Variants in R3HDML observed in about 807,000 individuals in gnomAD.
R3HDML encodes the protein peptidase inhibitor R3HDML.
Under a neutral mutation model 24.2 loss-of-function variants are expected in R3HDML, and 21 were observed. The ratio of observed to expected loss-of-function variants is 0.87; its 90% confidence interval spans 0.62 to 1.25. The LOEUF is 1.25. R3HDML is among the 50% of genes most tolerant of loss of function. The pLI is 0.00. For synonymous variants in R3HDML, 133 were observed against 131.5 expected (o/e 1.01, Z -0.08); for missense variants, 301 against 340.3 (o/e 0.88, Z 0.91).
chr20:44,338,670 G>A (rs1452902666), intron 1 of R3HDML, among the ~76,000 whole-genome samples: 1 of 152,170 alleles, frequency 6.6e-6, no homozygotes, highest in Non-Finnish European at 1.5e-5. Context: ...TATCTCACCA[G>A]GGACTCCAGG....
At chr20:44,347,922 A>G (rs1358986170) in intron 4 of R3HDML, 1 of 152,032 alleles carries the variant, frequency 6.6e-6, no homozygotes, top group African/African-American at 2.4e-5. Context: ...AGAAAAATAC[A>G]AGAAACCAAA....
intron 1 of R3HDML, among the ~76,000 whole-genome samples, chr20:44,339,376 A>G (rs921562427): frequency 6.6e-6 from 1 of 152,174 alleles, no homozygotes; most frequent in Non-Finnish European, 1.5e-5. Context: ...TATTTCAGAG[A>G]ATCCCAGGAA....
chr20:44,347,939 TAC>T (rs2062793038), intron 4 of R3HDML: 1 of 150,636 alleles, frequency 6.6e-6, no homozygotes, highest in African/African-American at 2.4e-5. Context: ...CAAATTTCAT[TAC>T]AAATAGCGTC....
At chr20:44,346,111 C>T (rs929337383) in intron 4 of R3HDML, among the ~76,000 whole-genome samples, 3 of 151,694 alleles carry the variant, frequency 2.0e-5, no homozygotes, top group Non-Finnish European at 2.9e-5. Context: ...TGAGCCACTG[C>T]GCCTGGCCTA....
intron 2 of R3HDML, among the ~76,000 whole-genome samples, chr20:44,342,452 T>TC: frequency 6.6e-6 from 1 of 151,740 alleles, no homozygotes; most frequent in South Asian, 2.1e-4. Context: ...ACTTTCCCTC[T>TC]CCCCCGCTGC....
At position 44,337,148 on chromosome 20, in the gene R3HDML, C is replaced by A; in HGVS notation, c.-10C>A. On this transcript the variant is annotated 5_prime_UTR_variant, in exon 1 of 5. Coordinates refer to ENST00000217043, the MANE Select transcript of R3HDML (RefSeq NM_178491.4). The surrounding 1 kb of genome is among the most constrained non-coding windows in gnomAD (Gnocchi z 4.7). ...TGCACAAGGCAGACCTGTGACTCCT[C>A]CATCCAGCTATGCCCCTGCTGCCCA... 1 of 1,609,002 alleles carries A rather than the reference C, an allele frequency of 6.2e-7. No individual in the cohort carries two copies. Among genetic ancestry groups the A allele is most frequent in the Non-Finnish European group, 8.5e-7 (1 of 1,177,084 alleles).
Position 44,339,579 on chromosome 20 carries a change from A to ATGTGTGTGTG in R3HDML, c.262-1599_262-1590dup, listed in dbSNP as rs140076477. Among the ~76,000 whole-genome samples the ATGTGTGTGTG allele has an allele frequency of 2.3e-3, 335 of 148,022 alleles. 2 individuals are homozygous for ATGTGTGTGTG. The highest frequency in any genetic ancestry group is 0.017 in the Middle Eastern group (5 of 292). On this transcript the variant is annotated intron_variant, in intron 1 of 4. Transcript: ENST00000217043. ...AATATGCTGCCATTTGCCTATATAT[A>ATGTGTGTGTG]TGTGTGTGTGTGTGTGTGTGTGTGT...
chr20:44,347,241 C>T (rs530028193), intron 4 of R3HDML, among the ~76,000 whole-genome samples: 10 of 147,804 alleles, frequency 6.8e-5, no homozygotes, highest in East Asian at 2.0e-4. Context: ...TGGGGGGGGA[C>T]GAGGTCTTGC....
intron 4 of R3HDML, 185 bp from the exon 5 acceptor site, chr20:44,350,475 T>C (rs1483122481): frequency 2.1e-6 from 1 of 480,802 alleles, no homozygotes; most frequent in African/African-American, 2.3e-5. Context: ...GAGCTATGGG[T>C]GACAGAGCAA....
intron 4 of R3HDML, among the ~76,000 whole-genome samples, chr20:44,346,643 C>T (rs1240884420): frequency 1.3e-5 from 2 of 152,198 alleles, no homozygotes; most frequent in African/African-American, 4.8e-5. Flanking sequence ...CAGTGCCAGC[C>T]CTCTAAGCTT....
intron 1 of R3HDML, among the ~76,000 whole-genome samples, chr20:44,339,579 A>ATATGTG (rs1555804233): frequency 4.7e-5 from 7 of 147,914 alleles, no homozygotes; most frequent in South Asian, 2.2e-4. Flanking sequence ...GCCTATATAT[A>ATATGTG]TGTGTGTGTG....
chr20:44,341,441 T>A (rs2062772173), intron 2 of R3HDML, 127 bp downstream of exon 2: 1 of 704,076 alleles, frequency 1.4e-6, no homozygotes, highest in South Asian at 2.2e-5. Context: ...GCTCTCCACC[T>A]GCAGGGAGCC....
Position 44,350,688 on chromosome 20 carries a change from A to T in R3HDML, c.658A>T (p.Lys220Ter), listed in dbSNP as rs748206218. Residue 220 changes from lysine to a stop codon, truncating the protein, a stop_gained, in exon 5 of 5, where the codon AAG (lysine) becomes TAG (stop). Coordinates refer to ENST00000217043, the MANE Select transcript of R3HDML (RefSeq NM_178491.4). LOFTEE classifies it low-confidence loss of function (END_TRUNC). ...KGNWIGESPYKMGKPCSSCPP... is the reference protein window; with the variant it reads ...KGNWIGESPY ...CAACTGGATTGGCGAGTCCCCGTAC[A>T]AGATGGGAAAGCCGTGCTCCTCCTG... 1.9e-6 allele frequency: 3 copies of T among 1,613,870 alleles called. No individual in the cohort carries two copies. Among genetic ancestry groups the T allele is most frequent in the Admixed American group, 1.7e-5 (1 of 59,962 alleles).
At position 44,341,157 on chromosome 20, in the gene R3HDML, C is replaced by T. The variant is rs1479748590; in HGVS notation, c.262-39C>T. ...CTGGACACAGTTGTGACGATGGTGGCAATTCCCCTGGGGAATTTCATTGCC... is the reference window on the plus strand; with the variant it reads ...CTGGACACAGTTGTGACGATGGTGGTAATTCCCCTGGGGAATTTCATTGCC... On this transcript the variant is annotated intron_variant, in intron 1 of 4. Transcript: ENST00000217043. 8.6e-6 allele frequency: 13 copies of T among 1,508,352 alleles called. No individual in the cohort carries two copies. In the South Asian group the frequency reaches 9.2e-5, roughly 11 times the overall value. The allele number at this position is 1,508,352 out of a possible 1,614,324, so 93.4% of individuals were successfully genotyped here.
chr20:44,349,192 A>G (rs2062801227), intron 4 of R3HDML, among the ~76,000 whole-genome samples: 1 of 151,962 alleles, frequency 6.6e-6, no homozygotes, highest in Admixed American at 6.6e-5. Context: ...AAATAAAAAT[A>G]GCCTCTGTGG....
At chr20:44,348,520 T>TTTCCTTTCCTTTCCTTTCC (rs1555804779) in intron 4 of R3HDML, among the ~76,000 whole-genome samples, 8 of 87,342 alleles carry the variant, frequency 9.2e-5, no homozygotes, top group Admixed American at 2.2e-4. Flanking sequence ...CTTTCCTTTC[T>TTTCCTTTCCTTTCCTTTCC]TTTCTTCTGT....
At chr20:44,346,052 T>C (rs2062786081) in intron 4 of R3HDML, among the ~76,000 whole-genome samples, 1 of 152,134 alleles carries the variant, frequency 6.6e-6, no homozygotes, top group Non-Finnish European at 1.5e-5. Flanking sequence ...ACCCCTAACC[T>C]CAGGTGATCT....
At chr20:44,339,825 C>T (rs905887501) in intron 1 of R3HDML, among the ~76,000 whole-genome samples, 1 of 152,078 alleles carries the variant, frequency 6.6e-6, no homozygotes, top group East Asian at 1.9e-4. Flanking sequence ...GTTGCCCAAG[C>T]TGGAGTGCAG....
rs779209876 is a variant in R3HDML at position 44,337,199 on chromosome 20, C to A, written c.42C>A (p.Leu14=). ...GCACCGTGGGCCTGGCAGGCCTGCT[C>A]TTCTGGGCTGGCCAGGCAGTGAACG... ...LPSTVGLAGL[L]FWAGQAVNAL... Residue 14 remains leucine, a synonymous_variant, in exon 1 of 5, where the codon CTC becomes CTA. Transcript: ENST00000217043. This position sits in a 1 kb window ranked among gnomAD's most constrained non-coding sequence, Gnocchi z 4.7. 3 of 1,613,662 alleles carry A rather than the reference C, an allele frequency of 1.9e-6. No individual in the cohort carries two copies. The highest frequency in any genetic ancestry group is 4.5e-5 in the East Asian group (2 of 44,874).
Sources: gnomAD v4.1 joint callset for allele counts (sites outside exome capture counted in the v4.1 genomes callset) on GRCh38, gnomAD v4.1.1 for gene constraint, Gnocchi (gnomAD v3.1) non-coding constraint, MANE v1.5 for transcripts, NCBI Gene and HGNC (gene_info 2026-07-23, HGNC 2026-07-21) for gene names.